Variants in DTNB observed in about 807,000 individuals in gnomAD.
DTNB encodes DTN-B.
A neutral mutation model predicts 90.7 loss-of-function variants in DTNB; 63 were observed. That is an observed-to-expected ratio of 0.69 (90% CI 0.57 to 0.86). The LOEUF is 0.86. Ranked by LOEUF, DTNB falls within the 40% of genes least tolerant of loss-of-function variation. DTNB has a pLI of 0.00. For synonymous variants in DTNB, 277 were observed against 286.7 expected, an observed-to-expected ratio of 0.97 and a Z score of 0.34; for missense variants, 744 against 807.1, an observed-to-expected ratio of 0.92 and a Z score of 0.95.
intron 10 of DTNB, among the ~76,000 whole-genome samples, chr2:25,455,906 A>G (rs1407747364): frequency 6.6e-6 from 1 of 152,264 alleles, no homozygotes; most frequent in Non-Finnish European, 1.5e-5. Flanking sequence ...CTATGCTTTT[A>G]TAAGCTTTTG....
chr2:25,436,450 T>C (rs2055808019), intron 12 of DTNB, among the ~76,000 whole-genome samples: 1 of 152,302 alleles, frequency 6.6e-6, no homozygotes, highest in Middle Eastern at 3.4e-3. Context: ...ATGACCCTGC[T>C]TCACTCTGTA....
intron 2 of DTNB, among the ~76,000 whole-genome samples, chr2:25,642,196 C>CGT (rs1416156790): frequency 1.3e-5 from 2 of 151,856 alleles, no homozygotes; most frequent in African/African-American, 4.8e-5. Flanking sequence ...TGCCTGTGCA[C>CGT]GTGTGTGTGT....
At chr2:25,561,683 C>T (rs1389690452) in intron 8 of DTNB, among the ~76,000 whole-genome samples, 1 of 152,054 alleles carries the variant, frequency 6.6e-6, no homozygotes, top group Non-Finnish European at 1.5e-5. Context: ...GAGCTGGCTC[C>T]TCCTCCTCTC....
chr2:25,474,430 T>C (rs1315929986), intron 10 of DTNB, among the ~76,000 whole-genome samples: 1 of 152,198 alleles, frequency 6.6e-6, no homozygotes, highest in African/African-American at 2.4e-5. Context: ...ATTTTTCTCA[T>C]TTCACAGGTG....
chr2:25,669,794 A>G (rs2085389909), intron 1 of DTNB, among the ~76,000 whole-genome samples: 2 of 152,166 alleles, frequency 1.3e-5, no homozygotes, highest in South Asian at 4.1e-4. Context: ...CATCTCTACA[A>G]AAAATTTTAA....
chr2:25,460,243 A>G (rs904498018), intron 10 of DTNB, among the ~76,000 whole-genome samples: 2 of 152,080 alleles, frequency 1.3e-5, no homozygotes, highest in African/African-American at 4.8e-5. Context: ...GGGGAAGGCT[A>G]AGGGAGAAGT....
intron 12 of DTNB, among the ~76,000 whole-genome samples, chr2:25,444,830 C>T (rs2058143540): frequency 6.6e-6 from 1 of 152,174 alleles, no homozygotes; most frequent in Non-Finnish European, 1.5e-5. Context: ...TTATGCAAAG[C>T]ACTTGTATCA....
At chr2:25,509,149 AT>A (rs1461652298) in intron 9 of DTNB, among the ~76,000 whole-genome samples, 2 of 152,196 alleles carry the variant, frequency 1.3e-5, no homozygotes, top group African/African-American at 4.8e-5. Flanking sequence ...AATGCCTTTA[AT>A]TTCTTTTTCT....
chr2:25,452,741 T>C (rs1318303674), intron 11 of DTNB, among the ~76,000 whole-genome samples: 1 of 151,992 alleles, frequency 6.6e-6, no homozygotes, highest in African/African-American at 2.4e-5. Flanking sequence ...TTTTCTAGTT[T>C]TTTTTTTTTT....
chr2:25,579,749 T>C (rs1301493194), intron 7 of DTNB, among the ~76,000 whole-genome samples: 2 of 152,106 alleles, frequency 1.3e-5, no homozygotes, highest in African/African-American at 4.8e-5. Context: ...TTAAATTATA[T>C]CTTGGCTATT....
At chr2:25,618,520 G>A (rs950045419) in intron 4 of DTNB, among the ~76,000 whole-genome samples, 1 of 152,096 alleles carries the variant, frequency 6.6e-6, no homozygotes, top group Non-Finnish European at 1.5e-5. Flanking sequence ...AACAAGATTT[G>A]GAAATGATAT....
chr2:25,564,903 A>G (rs1246959947), intron 8 of DTNB, among the ~76,000 whole-genome samples: 1 of 152,208 alleles, frequency 6.6e-6, no homozygotes, highest in Non-Finnish European at 1.5e-5. Flanking sequence ...TTTTGCCATT[A>G]AAAGTAACGG....
chr2:25,567,582 T>C lies in DTNB; in HGVS notation c.876+9256A>G, dbSNP rs558581744. Among the ~76,000 whole-genome samples, 4 of 152,330 alleles carry C rather than the reference T, an allele frequency of 2.6e-5. No homozygotes were observed. In the South Asian group the frequency reaches 8.3e-4, roughly 32 times the overall value. On this transcript the variant is annotated intron_variant, in intron 8 of 20. Transcript: ENST00000406818. Reference sequence around the variant, plus strand: ...ATTTTGAAGAACACAATAAGTAACTTTGTTCAGAGGTGGACTCTGCCATCT... The same window carrying C: ...ATTTTGAAGAACACAATAAGTAACTCTGTTCAGAGGTGGACTCTGCCATCT...
intron 1 of DTNB, among the ~76,000 whole-genome samples, chr2:25,664,981 A>C (rs941119400): frequency 1.3e-4 from 20 of 152,218 alleles, no homozygotes; most frequent in Admixed American, 1.2e-3. Context: ...GCTAAGTAGG[A>C]TCTGAAGAGA....
chr2:25,633,388 G>C lies in DTNB; in HGVS notation c.149-5004C>G, dbSNP rs2148767704. 2.0e-5 allele frequency among the ~76,000 whole-genome samples: 3 copies of C among 152,266 alleles called. No individual in the cohort carries two copies. The South Asian group carries it at 6.2e-4, about 32-fold the overall frequency. On this transcript the variant is annotated intron_variant, in intron 3 of 20. Coordinates refer to ENST00000406818, the MANE Select transcript of DTNB (RefSeq NM_021907.5). ...GCTGTGTTGGCCGGGCTGGTCTCCAGCTCCTAACCGCGAGTGATCCGCCAG... is the reference window on the plus strand; with the variant it reads ...GCTGTGTTGGCCGGGCTGGTCTCCACCTCCTAACCGCGAGTGATCCGCCAG...
intron 6 of DTNB, among the ~76,000 whole-genome samples, chr2:25,582,427 T>C (rs1288364073): frequency 2.6e-5 from 4 of 152,048 alleles, no homozygotes; most frequent in African/African-American, 9.7e-5. Flanking sequence ...GAATAATATT[T>C]AAAATAAGAA....
chr2:25,613,228 C>T (rs1305228293), intron 4 of DTNB, among the ~76,000 whole-genome samples: 1 of 152,112 alleles, frequency 6.6e-6, no homozygotes, highest in African/African-American at 2.4e-5. Context: ...GGATTACAGG[C>T]ATGAGCCACT....
chr2:25,378,182 AGT>A (rs1303700765), intron 20 of DTNB, among the ~76,000 whole-genome samples: 1 of 152,118 alleles, frequency 6.6e-6, no homozygotes, highest in Non-Finnish European at 1.5e-5. Flanking sequence ...CTGCAGGGCG[AGT>A]CAGTTCCTGA....
chr2:25,445,920 G>GTTT lies in DTNB; in HGVS notation c.1257+5625_1257+5627dup, dbSNP rs11453188. On this transcript the variant is annotated intron_variant, in intron 12 of 20. Coordinates refer to ENST00000406818, the MANE Select transcript of DTNB (RefSeq NM_021907.5). ...TTAGCACACCATGTGACCCTGGGTAGTTTTTTTTTTTTTTTTTTAATCTCT... is the reference window on the plus strand; with the variant it reads ...TTAGCACACCATGTGACCCTGGGTAGTTTTTTTTTTTTTTTTTTTTTAATCTCT... Among the ~76,000 whole-genome samples, 185 of 137,060 alleles carry GTTT rather than the reference G, an allele frequency of 1.3e-3. 1 individual carries two copies. Among genetic ancestry groups the GTTT allele is most frequent in the African/African-American group, 4.2e-3 (159 of 37,508 alleles). 89.9% of individuals were successfully genotyped at this position (137,060 alleles called of 152,430 possible).
Sources: allele counts gnomAD v4.1 joint callset (sites outside exome capture counted in the v4.1 genomes callset), GRCh38; gene constraint gnomAD v4.1.1; transcripts MANE v1.5; gene names NCBI Gene and HGNC (gene_info 2026-07-23, HGNC 2026-07-21).